FGF18: variants seen among roughly 807,000 people sequenced by gnomAD.
The protein encoded by FGF18 is fibroblast growth factor 18.
FGF18 carries 5 observed loss-of-function variants against 23.0 expected under a neutral mutation model. The ratio of observed to expected loss-of-function variants is 0.22; its 90% CI spans 0.11 to 0.46. The LOEUF (loss-of-function observed/expected upper bound fraction) is 0.46, where lower values mean the gene tolerates loss of function less well. FGF18 is among the 20% of genes least tolerant of loss of function. FGF18 has a pLI of 0.99. For missense variants in FGF18, 180 were observed against 291.6 expected (o/e 0.62, Z 2.79); for synonymous variants, 117 against 118.9 (o/e 0.98, Z 0.10).
rs111976134 is a variant in FGF18, at chr5:171,421,529, G to A, written c.69+1086G>A. The stretch of plus-strand genomic sequence containing the variant: ...AGACCTTAGCCTTCTGGATTGTGGA[G>A]ATCCCCAGAGCTAGCCTTGAGCACA... On this transcript the variant is annotated intron_variant, in intron 2 of 4. Transcript: ENST00000274625. Among the ~76,000 whole-genome samples the A allele has an allele frequency of 6.9e-3, 1,056 of 152,312 alleles. 14 individuals are homozygous for A. The highest frequency in any genetic ancestry group is 0.024 in the African/African-American group (1,017 of 41,550).
In FGF18 at chr5:171,440,450, TCTCC is replaced by T. The variant is rs1465107421; in HGVS notation, c.250+4179_250+4182del. Among the ~76,000 whole-genome samples the T allele has an allele frequency of 6.6e-6, 1 of 151,994 alleles. No homozygotes were observed. Among genetic ancestry groups the T allele is most frequent in the Non-Finnish European group, 1.5e-5 (1 of 68,004 alleles). On this transcript the variant is annotated intron_variant, in intron 3 of 4. Transcript: ENST00000274625. The surrounding 1 kb of genome is among the most constrained non-coding windows in gnomAD (Gnocchi z 4.0). Reference sequence around the variant, plus strand: ...CCTTTGGCTCCCCTGATTGCGTGTGTCTCCCCTCAGTCCCTTATTCATTCAACGT... The same window carrying T: ...CCTTTGGCTCCCCTGATTGCGTGTGTCCTCAGTCCCTTATTCATTCAACGT...
intron 4 of FGF18, among the ~76,000 whole-genome samples, chr5:171,453,857 A>G (rs1334313590): frequency 6.6e-6 from 1 of 151,956 alleles, no homozygotes. Flanking sequence ...GGACATTTAT[A>G]ACAGATCCAG....
chr5:171,419,985 C>T lies in FGF18; in HGVS notation c.-215C>T. 1 of 190,388 alleles carries T rather than the reference C, an allele frequency of 5.3e-6. No homozygotes were observed. The highest frequency in any genetic ancestry group is 1.0e-5 in the Non-Finnish European group (1 of 95,368). 11.8% of individuals were successfully genotyped at this position (190,388 alleles called of 1,614,324 possible). ...AGCCCCTGCGCCAGCCCGGAGGGCGCAGCGCTCGGGAGGAGCCGCGCGGGG... is the reference window on the plus strand; with the variant it reads ...AGCCCCTGCGCCAGCCCGGAGGGCGTAGCGCTCGGGAGGAGCCGCGCGGGG... On this transcript the variant is annotated 5_prime_UTR_variant, in exon 1 of 5. Transcript: ENST00000274625.
In FGF18 at chr5:171,436,624, G is replaced by A. The variant is rs1166882397; in HGVS notation, c.250+351G>A. Among the ~76,000 whole-genome samples the A allele has an allele frequency of 1.3e-5, 2 of 152,236 alleles. No individual in the cohort carries two copies. The highest frequency in any genetic ancestry group is 2.9e-5 in the Non-Finnish European group (2 of 68,048). Reference sequence around the variant, plus strand: ...GCCCCAGGTTCAGCCACTTCAAGGGGCAGGAGCCTCGAGGTGATGCTTTTA... The same window carrying A: ...GCCCCAGGTTCAGCCACTTCAAGGGACAGGAGCCTCGAGGTGATGCTTTTA... On this transcript the variant is annotated intron_variant, in intron 3 of 4. Coordinates refer to ENST00000274625, the MANE Select transcript of FGF18 (RefSeq NM_003862.3). The surrounding 1 kb of genome is among the most constrained non-coding windows in gnomAD (Gnocchi z 4.4).
At chr5:171,420,768 CGAGG>C (rs1280275428) in intron 2 of FGF18, among the ~76,000 whole-genome samples, 1 of 152,244 alleles carries the variant, frequency 6.6e-6, no homozygotes, top group Non-Finnish European at 1.5e-5. Context: ...CCGCAGCCAG[CGAGG>C]GGTAGGACCT....
At chr5:171,422,935 A>G in intron 2 of FGF18, among the ~76,000 whole-genome samples, 1 of 152,162 alleles carries the variant, frequency 6.6e-6, no homozygotes, top group East Asian at 1.9e-4. Context: ...GAACTGGTAT[A>G]TGATGGGGGG....
chr5:171,454,956 G>A (rs993081652), intron 4 of FGF18, among the ~76,000 whole-genome samples: 10 of 152,222 alleles, frequency 6.6e-5, no homozygotes, highest in African/African-American at 1.4e-4. Flanking sequence ...AGGAAGGCAC[G>A]CCAGCCCTGT....
In FGF18 at chr5:171,423,716, T is replaced by C. The variant is rs368082679; in HGVS notation, c.69+3273T>C. On this transcript the variant is annotated intron_variant, in intron 2 of 4. Coordinates refer to ENST00000274625, the MANE Select transcript of FGF18 (RefSeq NM_003862.3). ...TTTAAGCTGGTTAGGATGGGGAAGC[T>C]GGAGACAGTGTCCTTTGGTGCAAAA... is the stretch of plus-strand genomic sequence containing the variant. 4.0e-5 allele frequency among the ~76,000 whole-genome samples: 6 copies of C among 151,506 alleles called. No individual in the cohort carries two copies. The East Asian group carries it at 7.8e-4, about 20-fold the overall frequency.
At chr5:171,422,978 G>A (rs1772038774) in intron 2 of FGF18, among the ~76,000 whole-genome samples, 1 of 152,222 alleles carries the variant, frequency 6.6e-6, no homozygotes, top group Admixed American at 6.5e-5. Flanking sequence ...ATCCACCCAG[G>A]AAGGCACATT....
intron 3 of FGF18, among the ~76,000 whole-genome samples, chr5:171,444,575 G>A (rs958229630): frequency 1.4e-5 from 2 of 146,230 alleles, no homozygotes; most frequent in African/African-American, 4.9e-5. Flanking sequence ...GAAGGGAAAA[G>A]GTCTTTCGCT....
intron 3 of FGF18, among the ~76,000 whole-genome samples, chr5:171,448,236 TG>T (rs2113359376): frequency 6.6e-6 from 1 of 152,250 alleles, no homozygotes; most frequent in Admixed American, 6.5e-5. Flanking sequence ...TCTCCCACCC[TG>T]GGGGGAATCC....
At chr5:171,435,882 G>A (rs1213232941) in intron 2 of FGF18, among the ~76,000 whole-genome samples, 1 of 152,184 alleles carries the variant, frequency 6.6e-6, no homozygotes, top group Non-Finnish European at 1.5e-5. Context: ...TTCTGGCTGG[G>A]CCACCTTGGG....
At chr5:171,433,007 G>C (rs546869621) in intron 2 of FGF18, among the ~76,000 whole-genome samples, 13 of 152,312 alleles carry the variant, frequency 8.5e-5, no homozygotes, top group African/African-American at 3.1e-4. Flanking sequence ...GAAAGGCTTC[G>C]GGGTAGGACG....
chr5:171,425,162 G>T (rs1231179672), intron 2 of FGF18, among the ~76,000 whole-genome samples: 2 of 152,326 alleles, frequency 1.3e-5, no homozygotes, highest in South Asian at 4.1e-4. Context: ...AAATTGGGGT[G>T]CAGTCACATC....
chr5:171,444,853 G>A (rs942625138), intron 3 of FGF18, among the ~76,000 whole-genome samples: 23 of 152,214 alleles, frequency 1.5e-4, no homozygotes, highest in African/African-American at 4.3e-4. Context: ...CTTACTGGTC[G>A]CTCACTCTGA....
At chr5:171,428,046 A>G (rs1581270681) in intron 2 of FGF18, among the ~76,000 whole-genome samples, 2 of 152,298 alleles carry the variant, frequency 1.3e-5, no homozygotes, top group African/African-American at 4.8e-5. Context: ...GGCACTTGGC[A>G]TAGCGCCTGG....
At chr5:171,438,395 C>T (rs896943916) in intron 3 of FGF18, among the ~76,000 whole-genome samples, 2 of 151,940 alleles carry the variant, frequency 1.3e-5, no homozygotes, top group Admixed American at 6.6e-5. Flanking sequence ...AGCATGGCCG[C>T]GCCCGGCCAT....
At chr5:171,427,401 C>T (rs753800051) in intron 2 of FGF18, among the ~76,000 whole-genome samples, 6 of 152,114 alleles carry the variant, frequency 3.9e-5, no homozygotes, top group South Asian at 2.1e-4. Flanking sequence ...CTAGAAAGGA[C>T]GTGTTCCTTG....
At chr5:171,422,867 C>T (rs1278029233) in intron 2 of FGF18, among the ~76,000 whole-genome samples, 2 of 152,204 alleles carry the variant, frequency 1.3e-5, no homozygotes, top group Non-Finnish European at 2.9e-5. Context: ...ATCTTTCCCT[C>T]TCTGTGGATC....
Sources: allele counts gnomAD v4.1 joint callset (sites outside exome capture counted in the v4.1 genomes callset), GRCh38; gene constraint gnomAD v4.1.1; non-coding constraint Gnocchi (gnomAD v3.1); transcripts MANE v1.5; gene names NCBI Gene and HGNC (gene_info 2026-07-23, HGNC 2026-07-21).